Variants in PHACTR2 observed in about 807,000 individuals in gnomAD.
PHACTR2 encodes the protein chromosome 6 open reading frame 56.
In PHACTR2, 30 loss-of-function variants were observed where a neutral mutation model predicts 76.0. The observed-to-expected ratio is 0.39, with a 90% CI of 0.30 to 0.54. The LOEUF is 0.54. PHACTR2 is among the 20% of genes least tolerant of loss of function. The pLI is 0.61. For missense variants in PHACTR2, 696 were observed against 781.1 expected (o/e 0.89, Z 1.30); for synonymous variants, 292 against 292.5 (o/e 1.00, Z 0.02).
chr6:143,686,127 G>T (rs903451639), intron 1 of PHACTR2, among the ~76,000 whole-genome samples: 7 of 135,344 alleles, frequency 5.2e-5, no homozygotes, highest in Middle Eastern at 3.7e-3. Context: ...GTGAGATTCT[G>T]TCTCAAAAAA....
At chr6:143,693,528 G>A (rs532726110) in intron 1 of PHACTR2, among the ~76,000 whole-genome samples, 13 of 152,274 alleles carry the variant, frequency 8.5e-5, no homozygotes, top group African/African-American at 1.9e-4. Context: ...ATGAGCCACC[G>A]TGCCCAGCCC....
In PHACTR2 at chr6:143,603,150, A is replaced by AAG. The variant is rs1325771742; in HGVS notation, c.217+65944_217+65945insGA. On this transcript the variant is annotated intron_variant, in intron 1 of 11. Coordinates refer to the PHACTR2 transcript ENST00000367584. ...ACAAGAGCAAGACTCTGTCTCAAAA[A>AAG]AAAAAAAAAAAAAAAAATACTTGGA... 5.1e-3 allele frequency among the ~76,000 whole-genome samples: 772 copies of AAG among 151,266 alleles called. 2 individuals are homozygous for AAG. The highest frequency in any genetic ancestry group is 0.028 in the Middle Eastern group (8 of 290).
chr6:143,608,285 G>T lies in PHACTR2; in HGVS notation c.-25G>T. The T allele has an allele frequency of 6.2e-7, 1 of 1,613,982 alleles. No individual in the cohort carries two copies. Among genetic ancestry groups the T allele is most frequent in the Non-Finnish European group, 8.5e-7 (1 of 1,179,884 alleles). ...AGGGCTTCCCGGCTGCCAGGCTACA[G>T]AACTCGCCTCGCCACTCCTGAGACA... is the stretch of plus-strand genomic sequence containing the variant. On this transcript the variant is annotated 5_prime_UTR_variant, in exon 1 of 12. Coordinates refer to the PHACTR2 transcript ENST00000305766. The surrounding 1 kb of genome is among the most constrained non-coding windows in gnomAD (Gnocchi z 4.6).
intron 12 of PHACTR2, among the ~76,000 whole-genome samples, chr6:143,812,886 C>T (rs1463574753): frequency 6.6e-6 from 1 of 152,152 alleles, no homozygotes; most frequent in Non-Finnish European, 1.5e-5. Flanking sequence ...GGAATTTCTA[C>T]AATATAAAAT....
At position 143,648,946 on chromosome 6, in the gene PHACTR2, T is replaced by TTGTGTGTGTCTG. The variant is rs71024867; in HGVS notation, c.13+40630_13+40641dup. On this transcript the variant is annotated intron_variant, in intron 1 of 11. Coordinates refer to the PHACTR2 transcript ENST00000305766. The surrounding 1 kb of genome is among the most constrained non-coding windows in gnomAD (Gnocchi z 6.7). Reference sequence around the variant, plus strand: ...TGTGTATGTCTATGTCTATGTATGTTTGTGTGTGTCTGTGTGTCTATGTGT... The same window carrying TTGTGTGTGTCTG: ...TGTGTATGTCTATGTCTATGTATGTTTGTGTGTGTCTGTGTGTGTGTCTGTGTGTCTATGTGT... 0.48 allele frequency among the ~76,000 whole-genome samples: 71,895 copies of TTGTGTGTGTCTG among 150,156 alleles called. 17,090 individuals carry two copies. Among genetic ancestry groups the TTGTGTGTGTCTG allele is most frequent in the Middle Eastern group, 0.58 (167 of 290 alleles).
chr6:143,680,539 G>T lies in PHACTR2; in HGVS notation c.46+2330G>T, dbSNP rs745431588. ...CTTGCTTTCCCCGTTTTGACTTTAG[G>T]CTCTCTAGAGCCTTTCAGTTTAGGT... is the stretch of plus-strand genomic sequence containing the variant. On this transcript the variant is annotated intron_variant, in intron 1 of 12. Coordinates refer to ENST00000440869, the MANE Select transcript of PHACTR2 (RefSeq NM_001100164.2). The surrounding 1 kb of genome is among the most constrained non-coding windows in gnomAD (Gnocchi z 4.5). Among the ~76,000 whole-genome samples the T allele has an allele frequency of 9.2e-5, 14 of 152,268 alleles. No homozygotes were observed. Among genetic ancestry groups the T allele is most frequent in the Non-Finnish European group, 1.8e-4 (12 of 68,008 alleles).
rs1378896700 is a variant in PHACTR2, at chr6:143,543,522, A to G, written c.217+6315A>G. Among the ~76,000 whole-genome samples, 6 of 152,246 alleles carry G rather than the reference A, an allele frequency of 3.9e-5. No individual in the cohort carries two copies. On this transcript the variant is annotated intron_variant, in intron 1 of 11. Transcript: ENST00000367584. The surrounding 1 kb of genome is among the most constrained non-coding windows in gnomAD (Gnocchi z 4.7). ...GGGAGAACCTAGGATGGTCGGCTAT[A>G]GGGAATGGCTGTGGGGAGAAAATGC...
At chr6:143,622,118 G>A (rs1330829923) in intron 1 of PHACTR2, among the ~76,000 whole-genome samples, 1 of 152,170 alleles carries the variant, frequency 6.6e-6, no homozygotes, top group African/African-American at 2.4e-5. Context: ...TATTCGGGCC[G>A]AGTTGCAGTT....
chr6:143,716,331 T>C (rs1389963377), intron 2 of PHACTR2, among the ~76,000 whole-genome samples: 2 of 152,104 alleles, frequency 1.3e-5, no homozygotes, highest in African/African-American at 4.8e-5. Context: ...GTGTCTGTTA[T>C]GGGAATCAGA....
chr6:143,609,863 T>A (rs1213606268), intron 1 of PHACTR2, among the ~76,000 whole-genome samples: 1 of 152,246 alleles, frequency 6.6e-6, no homozygotes, highest in Non-Finnish European at 1.5e-5. Context: ...GGGTTATTTT[T>A]CTTTTTTGGG....
rs192248320 is a variant in PHACTR2, at chr6:143,688,133, T to G, written c.46+9924T>G. Among the ~76,000 whole-genome samples the G allele has an allele frequency of 2.7e-4, 40 of 150,180 alleles. No homozygotes were observed. Among genetic ancestry groups the G allele is most frequent in the African/African-American group, 9.3e-4 (38 of 40,918 alleles). ...ATTCAGGCTCTGAAAAGGAAAGGGG[T>G]GGAAGGCAATACTGAAAGCCACAGG... On this transcript the variant is annotated intron_variant, in intron 1 of 12. Coordinates refer to ENST00000440869, the MANE Select transcript of PHACTR2 (RefSeq NM_001100164.2). The surrounding 1 kb of genome is among the most constrained non-coding windows in gnomAD (Gnocchi z 5.2).
In PHACTR2 at chr6:143,784,820, C is replaced by T. The variant is rs1172724694; in HGVS notation, c.1707+1540C>T. Among the ~76,000 whole-genome samples the T allele has an allele frequency of 6.6e-6, 1 of 152,086 alleles. No individual in the cohort carries two copies. Among genetic ancestry groups the T allele is most frequent in the Non-Finnish European group, 1.5e-5 (1 of 68,016 alleles). On this transcript the variant is annotated intron_variant, in intron 10 of 12. Transcript: ENST00000440869. This position sits in a 1 kb window ranked among gnomAD's most constrained non-coding sequence, Gnocchi z 4.5. ...TGAGGAGGGGAAGCAAAACTGGAAA[C>T]CCCTGATAAACACATCAGATCTTGT... is the stretch of plus-strand genomic sequence containing the variant.
chr6:143,608,631 T>C lies in PHACTR2; in HGVS notation c.13+309T>C, dbSNP rs1775925239. Among the ~76,000 whole-genome samples the C allele has an allele frequency of 6.6e-6, 1 of 152,194 alleles. No homozygotes were observed. The highest frequency in any genetic ancestry group is 2.1e-4 in the South Asian group (1 of 4,834). ...AGCGATGGGTGGAAAATGCATACAG[T>C]TAGTGAAAAAACTATTACTAAGGGA... On this transcript the variant is annotated intron_variant, in intron 1 of 11. Transcript: ENST00000305766. This position sits in a 1 kb window ranked among gnomAD's most constrained non-coding sequence, Gnocchi z 4.6.
rs1562282657 is a variant in PHACTR2, at chr6:143,722,774, T to G, written c.214+10591T>G. On this transcript the variant is annotated intron_variant, in intron 2 of 12. Coordinates refer to ENST00000440869, the MANE Select transcript of PHACTR2 (RefSeq NM_001100164.2). This position sits in a 1 kb window ranked among gnomAD's most constrained non-coding sequence, Gnocchi z 4.1. ...CCTCCTCCCCACTACCCTTCCCAGC[T>G]TCTGGTAACTGTCGTTCTACTCTAT... is the stretch of plus-strand genomic sequence containing the variant. Among the ~76,000 whole-genome samples the G allele has an allele frequency of 2.0e-5, 3 of 152,288 alleles. No homozygotes were observed. The highest frequency in any genetic ancestry group is 2.0e-4 in the Admixed American group (3 of 15,286).
chr6:143,586,563 G>A (rs558828838), intron 1 of PHACTR2, among the ~76,000 whole-genome samples: 35 of 152,206 alleles, frequency 2.3e-4, no homozygotes, highest in Non-Finnish European at 4.3e-4. Context: ...TTTCAGCTCC[G>A]TGACTGCTGC....
intron 1 of PHACTR2, among the ~76,000 whole-genome samples, chr6:143,559,337 G>C (rs867461): frequency 0.24 from 37,140 of 152,110 alleles, 4,721 homozygotes; most frequent in South Asian, 0.34. Flanking sequence ...AATGTGATGT[G>C]AGACCAGGCT....
chr6:143,651,398 C>G (rs1400897058), intron 1 of PHACTR2, among the ~76,000 whole-genome samples: 1 of 152,062 alleles, frequency 6.6e-6, no homozygotes, highest in Non-Finnish European at 1.5e-5. Context: ...TGTGTATGTT[C>G]ATTGCAACAC....
In PHACTR2 at chr6:143,547,856, C is replaced by A. The variant is rs965161527; in HGVS notation, c.217+10649C>A. 6.6e-6 allele frequency among the ~76,000 whole-genome samples: 1 copy of A among 152,030 alleles called. No individual in the cohort carries two copies. The highest frequency in any genetic ancestry group is 1.5e-5 in the Non-Finnish European group (1 of 68,014). On this transcript the variant is annotated intron_variant, in intron 1 of 11. Coordinates refer to the PHACTR2 transcript ENST00000367584. The surrounding 1 kb of genome is among the most constrained non-coding windows in gnomAD (Gnocchi z 4.2). ...GGGATTGATCTAACTCTCTCTTGCC[C>A]GCTGTATCTATGTATGTATGTATGT...
intron 1 of PHACTR2, among the ~76,000 whole-genome samples, chr6:143,577,585 A>G (rs1775529266): frequency 2.0e-5 from 3 of 152,212 alleles, no homozygotes; most frequent in Admixed American, 1.3e-4. Context: ...CTGGAATTAC[A>G]AGCTAGAAGA....
Sources: allele counts gnomAD v4.1 joint callset (sites outside exome capture counted in the v4.1 genomes callset), GRCh38; gene constraint gnomAD v4.1.1; non-coding constraint Gnocchi (gnomAD v3.1); transcripts MANE v1.5; gene names NCBI Gene and HGNC (gene_info 2026-07-23, HGNC 2026-07-21).